The following CAMTA1 variants were observed in gnomAD, a reference collection of about 807,000 sequenced individuals.
CAMTA1 encodes calmodulin binding transcription activator 1.
CAMTA1 carries 27 observed loss-of-function variants against 170.9 expected under a neutral mutation model. That is an observed-to-expected ratio of 0.16 (90% CI 0.12 to 0.22). The LOEUF (loss-of-function observed/expected upper bound fraction) is 0.22. Among genes scored for constraint, CAMTA1 ranks in the 10% least tolerant of loss-of-function variants. The pLI, the probability that CAMTA1 is intolerant of heterozygous loss-of-function variation, is 1.00. For missense variants in CAMTA1, 1,619 were observed against 2,217.2 expected (o/e 0.73, Z 5.42); for synonymous variants, 833 against 891.5 (o/e 0.93, Z 1.17).
intron 3 of CAMTA1, among the ~76,000 whole-genome samples, chr1:7,022,584 T>C (rs1410126523): frequency 2.0e-5 from 3 of 152,262 alleles, no homozygotes; most frequent in Non-Finnish European, 4.4e-5. Flanking sequence ...AGAGAGGTAG[T>C]GTAGCCCACT....
At chr1:7,688,587 C>T (rs1431173168) in intron 11 of CAMTA1, among the ~76,000 whole-genome samples, 1 of 152,140 alleles carries the variant, frequency 6.6e-6, no homozygotes, top group African/African-American at 2.4e-5. Context: ...AGAGAAGACA[C>T]AAGTGCTGGT....
chr1:7,037,339 G>C (rs570488789), intron 3 of CAMTA1, among the ~76,000 whole-genome samples: 1 of 152,184 alleles, frequency 6.6e-6, no homozygotes, highest in African/African-American at 2.4e-5. Flanking sequence ...GGAGGGGTGC[G>C]TGAGGCAGAG....
intron 1 of CAMTA1, among the ~76,000 whole-genome samples, chr1:6,802,510 G>A (rs781356951): frequency 1.3e-5 from 2 of 152,108 alleles, no homozygotes; most frequent in East Asian, 1.9e-4. Context: ...CATAGCAGGG[G>A]GTCCTGGCAC....
At chr1:7,651,964 G>T (rs963291935) in intron 7 of CAMTA1, among the ~76,000 whole-genome samples, 1 of 152,152 alleles carries the variant, frequency 6.6e-6, no homozygotes, top group African/African-American at 2.4e-5. Context: ...CCCCACCACT[G>T]CATGGGACAG....
At chr1:7,630,934 A>G (rs1417749412) in intron 6 of CAMTA1, among the ~76,000 whole-genome samples, 4 of 152,192 alleles carry the variant, frequency 2.6e-5, no homozygotes, top group Admixed American at 2.6e-4. Context: ...CTGGGGCACC[A>G]GGGCCCCTCT....
At chr1:7,148,805 G>T (rs954932285) in intron 4 of CAMTA1, among the ~76,000 whole-genome samples, 2 of 152,242 alleles carry the variant, frequency 1.3e-5, no homozygotes, top group Non-Finnish European at 2.9e-5. Context: ...AGCACTGACT[G>T]CCAGTGGGCA....
intron 3 of CAMTA1, among the ~76,000 whole-genome samples, chr1:7,078,841 T>C (rs1639646773): frequency 6.6e-6 from 1 of 152,132 alleles, no homozygotes; most frequent in Non-Finnish European, 1.5e-5. Context: ...CCAAGAAGAG[T>C]ACAGTGATCT....
intron 11 of CAMTA1, among the ~76,000 whole-genome samples, chr1:7,718,899 G>T (rs926629589): frequency 4.4e-5 from 6 of 137,046 alleles, no homozygotes; most frequent in African/African-American, 1.3e-4. Flanking sequence ...GGAGTAATAC[G>T]CTTTCTCTGT....
chr1:6,936,719 T>C lies in CAMTA1; in HGVS notation c.234+111509T>C, dbSNP rs1422481061. ...AAACCAGAGAGAGGGTGGGGCGTGG[T>C]GACTCACGCCTGTAATCCCAGCACT... On this transcript the variant is annotated intron_variant, in intron 3 of 22. Transcript: ENST00000303635. 4.6e-5 allele frequency among the ~76,000 whole-genome samples: 7 copies of C among 152,160 alleles called. No homozygotes were observed. The East Asian group carries it at 7.7e-4, about 17-fold the overall frequency.
intron 3 of CAMTA1, among the ~76,000 whole-genome samples, chr1:7,066,443 G>A (rs1216083327): frequency 4.6e-5 from 7 of 152,212 alleles, no homozygotes; most frequent in Non-Finnish European, 8.8e-5. Context: ...GGTCAACACT[G>A]ACTTAGAAAG....
At chr1:7,584,356 T>C (rs569773834) in intron 6 of CAMTA1, among the ~76,000 whole-genome samples, 1 of 152,102 alleles carries the variant, frequency 6.6e-6, no homozygotes, top group South Asian at 2.1e-4. Flanking sequence ...CCGGCTGAAC[T>C]GTCTCGCTCG....
At chr1:6,790,622 A>G (rs1318734761) in intron 1 of CAMTA1, among the ~76,000 whole-genome samples, 2 of 152,160 alleles carry the variant, frequency 1.3e-5, no homozygotes, top group Non-Finnish European at 2.9e-5. Flanking sequence ...TTCATAGTAG[A>G]TAGTGAGAAC....
chr1:7,269,404 A>G (rs1161402279), intron 5 of CAMTA1, among the ~76,000 whole-genome samples: 3 of 152,242 alleles, frequency 2.0e-5, no homozygotes, highest in African/African-American at 4.8e-5. Context: ...TGCTAGCAAT[A>G]TAGAAGTCAC....
chr1:7,492,213 G>C (rs185050966), intron 6 of CAMTA1, among the ~76,000 whole-genome samples: 98 of 152,286 alleles, frequency 6.4e-4, no homozygotes, highest in Non-Finnish European at 1.2e-3. Context: ...AGGCCAGGGC[G>C]ATACACTCAG....
intron 10 of CAMTA1, chr1:7,672,190 G>A (rs1234553350): frequency 2.2e-5 from 9 of 402,974 alleles, no homozygotes; most frequent in Admixed American, 5.5e-5. Context: ...AAGATGCTCA[G>A]TGTAGAAGAC....
chr1:7,445,913 C>T (rs1220988637), intron 5 of CAMTA1, among the ~76,000 whole-genome samples: 1 of 152,094 alleles, frequency 6.6e-6, no homozygotes, highest in Non-Finnish European at 1.5e-5. Flanking sequence ...GCTCCCAGAG[C>T]CTGCGAGTCC....
chr1:7,148,808 A>G (rs988027255), intron 4 of CAMTA1, among the ~76,000 whole-genome samples: 2 of 152,240 alleles, frequency 1.3e-5, no homozygotes, highest in African/African-American at 4.8e-5. Flanking sequence ...ACTGACTGCC[A>G]GTGGGCAACA....
rs569263132 is a variant in CAMTA1 at position 7,372,556 on chromosome 1, G to A, written c.439-95274G>A. Among the ~76,000 whole-genome samples the A allele has an allele frequency of 1.4e-4, 22 of 152,316 alleles. No individual in the cohort carries two copies. In the East Asian group the frequency reaches 2.7e-3, roughly 19 times the overall value. ...GTGGGCCCGTGATTGGGCATCTCGC[G>A]TTATTACGTAGCCTTGCCCGTGAAC... On this transcript the variant is annotated intron_variant, in intron 5 of 22. Coordinates refer to ENST00000303635, the MANE Select transcript of CAMTA1 (RefSeq NM_015215.4).
intron 6 of CAMTA1, among the ~76,000 whole-genome samples, chr1:7,540,631 C>T (rs1317758630): frequency 6.6e-6 from 1 of 152,190 alleles, no homozygotes; most frequent in Non-Finnish European, 1.5e-5. Context: ...CCCAAAACCG[C>T]CCACCTCTGT....
Sources: allele counts gnomAD v4.1 joint callset (sites outside exome capture counted in the v4.1 genomes callset), GRCh38; gene constraint gnomAD v4.1.1; transcripts MANE v1.5; gene names NCBI Gene and HGNC (gene_info 2026-07-23, HGNC 2026-07-21).